Variants in PRRX2 observed in about 807,000 individuals in gnomAD.
PRRX2 encodes the protein paired related homeobox 2, also known as paired mesoderm homeobox protein 2.
A neutral mutation model predicts 18.0 loss-of-function variants in PRRX2; 11 were observed. The observed-to-expected ratio is 0.61, with a 90% CI of 0.39 to 1.01. The LOEUF is 1.01. PRRX2 is among the 50% of genes least tolerant of loss of function. PRRX2 has a pLI of 0.01. For synonymous variants in PRRX2, 177 were observed against 154.8 expected, an observed-to-expected ratio of 1.14 and a Z score of -1.06; for missense variants, 387 against 351.0, an observed-to-expected ratio of 1.10 and a Z score of -0.82.
In PRRX2 at chr9:129,719,211, C is replaced by G. The variant is rs748147016; in HGVS notation, c.260-20C>G. 1 of 1,535,786 alleles carries G rather than the reference C, an allele frequency of 6.5e-7. No homozygotes were observed. Among genetic ancestry groups the G allele is most frequent in the African/African-American group, 1.4e-5 (1 of 69,156 alleles). On this transcript the variant is annotated intron_variant, in intron 1 of 3. Coordinates refer to ENST00000372469, the MANE Select transcript of PRRX2 (RefSeq NM_016307.4). ...CCACTGGCCGTCCTGCTGACCATCC[C>G]GCCCCCCCAACCTCCGCAGGTGAGT... is the stretch of plus-strand genomic sequence containing the variant.
At chr9:129,677,756 A>C (rs1036214709) in intron 1 of PRRX2, among the ~76,000 whole-genome samples, 3 of 152,194 alleles carry the variant, frequency 2.0e-5, no homozygotes, top group African/African-American at 7.2e-5. Context: ...CCACCACCAC[A>C]TCCCTGCGGG....
Position 129,671,920 on chromosome 9 carries a change from G to A in PRRX2, c.259+5794G>A, listed in dbSNP as rs1161788841. Among the ~76,000 whole-genome samples, 1 of 151,316 alleles carries A rather than the reference G, an allele frequency of 6.6e-6. No homozygotes were observed. Among genetic ancestry groups the A allele is most frequent in the Non-Finnish European group, 1.5e-5 (1 of 67,868 alleles). On this transcript the variant is annotated intron_variant, in intron 1 of 3. Coordinates refer to ENST00000372469, the MANE Select transcript of PRRX2 (RefSeq NM_016307.4). This position sits in a 1 kb window ranked among gnomAD's most constrained non-coding sequence, Gnocchi z 4.0. ...GGCTGTTGGGGAGATTCTGGCTGAG[G>A]CTTGTTGGGGACTAAAGCGGGTGGG...
At chr9:129,684,532 A>ACACACACACCCC (rs1165343797) in intron 1 of PRRX2, among the ~76,000 whole-genome samples, 21 of 140,278 alleles carry the variant, frequency 1.5e-4, no homozygotes, top group Admixed American at 5.6e-4. Context: ...ACCCACACAC[A>ACACACACACCCC]CCCCAACAGA....
Position 129,706,853 on chromosome 9 carries a change from TTA to T in PRRX2, c.260-12377_260-12376del, listed in dbSNP as rs1195072762. Among the ~76,000 whole-genome samples the T allele has an allele frequency of 2.6e-5, 4 of 152,230 alleles. No individual in the cohort carries two copies. The East Asian group carries it at 5.8e-4, about 22-fold the overall frequency. The stretch of plus-strand genomic sequence containing the variant: ...ACCCCCAAAAGAAGCCCTGCACTTT[TTA>T]GCTGTCACTCTCCAGCATCCTCACT... On this transcript the variant is annotated intron_variant, in intron 1 of 3. Coordinates refer to ENST00000372469, the MANE Select transcript of PRRX2 (RefSeq NM_016307.4).
At chr9:129,704,639 T>C (rs888295124) in intron 1 of PRRX2, among the ~76,000 whole-genome samples, 4 of 152,204 alleles carry the variant, frequency 2.6e-5, no homozygotes, top group African/African-American at 9.6e-5. Flanking sequence ...TTGCTGTGAG[T>C]GCGTGGCCGA....
At chr9:129,666,571 A>ACCC (rs532808399) in intron 1 of PRRX2, among the ~76,000 whole-genome samples, 1,415 of 95,418 alleles carry the variant, frequency 0.015, 18 homozygotes, top group African/African-American at 0.037. Context: ...GTGCCTGCCC[A>ACCC]CCCCCCCCCA....
At position 129,675,843 on chromosome 9, in the gene PRRX2, C is replaced by T. The variant is rs759005744; in HGVS notation, c.259+9717C>T. ...AGCCTCTCTCGCCGCCAGAGCTCTGCGCGGGCCTCCCGTATAAAACCCCGC... is the reference window on the plus strand; with the variant it reads ...AGCCTCTCTCGCCGCCAGAGCTCTGTGCGGGCCTCCCGTATAAAACCCCGC... On this transcript the variant is annotated intron_variant, in intron 1 of 3. Transcript: ENST00000372469. The surrounding 1 kb of genome is among the most constrained non-coding windows in gnomAD (Gnocchi z 4.4). 1.9e-3 allele frequency among the ~76,000 whole-genome samples: 296 copies of T among 152,348 alleles called. 4 individuals are homozygous for T. Among genetic ancestry groups the T allele is most frequent in the Non-Finnish European group, 3.2e-4 (22 of 68,028 alleles).
chr9:129,677,353 G>A (rs747224430), intron 1 of PRRX2, among the ~76,000 whole-genome samples: 4 of 152,228 alleles, frequency 2.6e-5, no homozygotes, highest in African/African-American at 9.6e-5. Context: ...CAGGAAATAC[G>A]CAGTGATCCC....
At chr9:129,691,576 T>A (rs1206857276) in intron 1 of PRRX2, among the ~76,000 whole-genome samples, 1 of 152,114 alleles carries the variant, frequency 6.6e-6, no homozygotes, top group Non-Finnish European at 1.5e-5. Context: ...GTAGAAGTAT[T>A]TATACCCCAG....
chr9:129,683,345 C>T (rs905429192), intron 1 of PRRX2, among the ~76,000 whole-genome samples: 1 of 152,212 alleles, frequency 6.6e-6, no homozygotes, highest in Admixed American at 6.5e-5. Flanking sequence ...GAGGCTCCTT[C>T]CTGCAGCACA....
At chr9:129,700,365 G>A (rs1161060197) in intron 1 of PRRX2, among the ~76,000 whole-genome samples, 2 of 146,456 alleles carry the variant, frequency 1.4e-5, no homozygotes, top group African/African-American at 2.6e-5. Context: ...TTTAGATGAA[G>A]CCTCGCTCTG....
intron 1 of PRRX2, among the ~76,000 whole-genome samples, chr9:129,717,406 G>T (rs1445689127): frequency 6.6e-6 from 1 of 151,338 alleles, no homozygotes; most frequent in African/African-American, 2.4e-5. Context: ...TAGAAAATGT[G>T]GGCAGTGGGG....
chr9:129,676,605 G>A (rs569828557), intron 1 of PRRX2, among the ~76,000 whole-genome samples: 5 of 152,286 alleles, frequency 3.3e-5, no homozygotes, highest in Non-Finnish European at 7.4e-5. Flanking sequence ...GGTCTGAACC[G>A]GCCCCTGCCC....
intron 1 of PRRX2, among the ~76,000 whole-genome samples, chr9:129,688,602 C>T (rs1038219359): frequency 6.6e-6 from 1 of 152,176 alleles, no homozygotes. Context: ...AGGAGAACAG[C>T]CAGGAGGGCT....
intron 1 of PRRX2, among the ~76,000 whole-genome samples, chr9:129,672,810 G>T (rs1362545021): frequency 6.6e-6 from 1 of 152,180 alleles, no homozygotes; most frequent in African/African-American, 2.4e-5. Context: ...GAGAGCTGTG[G>T]AGGGTCCCTG....
At chr9:129,708,329 T>C (rs1259528514) in intron 1 of PRRX2, among the ~76,000 whole-genome samples, 1 of 152,206 alleles carries the variant, frequency 6.6e-6, no homozygotes, top group South Asian at 2.1e-4. Context: ...TGAGCCACCA[T>C]GCACGGCCGT....
chr9:129,683,690 G>A (rs955978320), intron 1 of PRRX2, among the ~76,000 whole-genome samples: 9 of 151,968 alleles, frequency 5.9e-5, no homozygotes, highest in African/African-American at 1.5e-4. Context: ...AGCAGAGATC[G>A]CGCCACTGCA....
chr9:129,687,771 A>G (rs184680410), intron 1 of PRRX2, among the ~76,000 whole-genome samples: 41 of 152,348 alleles, frequency 2.7e-4, no homozygotes, highest in Admixed American at 2.5e-3. Context: ...GGGCAGGCAG[A>G]CAGACTGGCT....
chr9:129,712,157 C>T (rs1366980703), intron 1 of PRRX2, among the ~76,000 whole-genome samples: 1 of 152,170 alleles, frequency 6.6e-6, no homozygotes, highest in Non-Finnish European at 1.5e-5. Context: ...TCCCAAGGAC[C>T]CGTTGTTTGT....
Sources: allele counts gnomAD v4.1 joint callset (sites outside exome capture counted in the v4.1 genomes callset), GRCh38; gene constraint gnomAD v4.1.1; non-coding constraint Gnocchi (gnomAD v3.1); transcripts MANE v1.5; gene names NCBI Gene and HGNC (gene_info 2026-07-23, HGNC 2026-07-21).